SHLD2: variants seen among roughly 807,000 people sequenced by gnomAD.
The protein encoded by SHLD2 is RINN1-REV7-interacting novel NHEJ regulator 2.
Under a neutral mutation model 73.2 loss-of-function variants are expected in SHLD2, and 30 were observed. That is an observed-to-expected ratio of 0.41 (90% confidence interval 0.31 to 0.56). The LOEUF (loss-of-function observed/expected upper bound fraction) is 0.56. Among genes scored for constraint, SHLD2 ranks in the 20% least tolerant of loss-of-function variants. SHLD2 has a pLI of 0.28. For synonymous variants in SHLD2, 285 were observed against 370.1 expected (o/e 0.77, Z 2.64); for missense variants, 745 against 1,055.9 (o/e 0.71, Z 4.08).
chr10:87,144,809 G>C (rs889883270), intron 2 of SHLD2, among the ~76,000 whole-genome samples: 2 of 150,098 alleles, frequency 1.3e-5, no homozygotes, highest in African/African-American at 2.5e-5. Flanking sequence ...TGTATTTTTA[G>C]TAGAGACGGG....
chr10:87,131,083 A>G (rs1030795711), intron 2 of SHLD2, among the ~76,000 whole-genome samples: 9 of 151,534 alleles, frequency 5.9e-5, no homozygotes, highest in Non-Finnish European at 1.3e-4. Context: ...AAAAACAAAA[A>G]CCCCCCAAAA....
intron 2 of SHLD2, among the ~76,000 whole-genome samples, chr10:87,121,939 A>AT (rs1431145021): frequency 6.6e-6 from 1 of 151,120 alleles, no homozygotes; most frequent in Non-Finnish European, 1.5e-5. Flanking sequence ...TAATTTTTGT[A>AT]TTTTTTGTAG....
At chr10:87,150,912 C>T (rs538145043) in intron 2 of SHLD2, among the ~76,000 whole-genome samples, 19 of 151,956 alleles carry the variant, frequency 1.3e-4, no homozygotes, top group South Asian at 2.1e-4. Flanking sequence ...CTGCAACCTC[C>T]GCCTCCTGGG....
At chr10:87,096,179 G>A (rs897305409) in intron 1 of SHLD2, among the ~76,000 whole-genome samples, 2 of 152,030 alleles carry the variant, frequency 1.3e-5, no homozygotes, top group East Asian at 1.9e-4. Flanking sequence ...GGGGTAGCTG[G>A]GATTACAGGC....
chr10:87,184,345 C>G (rs1372090023), intron 8 of SHLD2, among the ~76,000 whole-genome samples: 1 of 151,930 alleles, frequency 6.6e-6, no homozygotes, highest in Non-Finnish European at 1.5e-5. Flanking sequence ...TTTCTCAGGA[C>G]AGTTTCTCAT....
intron 2 of SHLD2, among the ~76,000 whole-genome samples, chr10:87,107,175 G>A (rs1842654593): frequency 6.6e-6 from 1 of 151,682 alleles, no homozygotes; most frequent in African/African-American, 2.4e-5. Flanking sequence ...CACTTTGGGA[G>A]GCTGAGGCAG....
chr10:87,123,676 A>ATGAG lies in SHLD2; in HGVS notation c.-6+26687_-6+26688insTGAG, dbSNP rs1843785264. ...AATCTTATGTTGAATTGTAATTCCC[A>ATGAG]GTGTTTGAGGTGGGGTCTGTTGAGA... On this transcript the variant is annotated intron_variant, in intron 2 of 9. Transcript: ENST00000298786. Among the ~76,000 whole-genome samples the ATGAG allele has an allele frequency of 2.0e-5, 3 of 152,276 alleles. No homozygotes were observed. The South Asian group carries it at 6.2e-4, about 32-fold the overall frequency.
rs1442982604 is a variant in SHLD2 at position 87,151,824 on chromosome 10, A to C, written c.470A>C (p.Asp157Ala). The change falls in exon 3 of 10, where the codon GAT becomes GCT. Residue 157 changes from aspartate to alanine, a missense_variant. Transcript: ENST00000298786. ...GATGAACAGCCTAAACATCAGCCAG[A>C]TATATGTGGTAAGAACTTTAACACA... The part of the protein sequence containing the change: ...IRDEQPKHQP[D>A]ICGKNFNTNL... 2.5e-6 allele frequency: 4 copies of C among 1,611,964 alleles called. No homozygotes were observed. Among genetic ancestry groups the C allele is most frequent in the East Asian group, 2.2e-5 (1 of 44,874 alleles).
intron 2 of SHLD2, among the ~76,000 whole-genome samples, chr10:87,139,715 C>T (rs886094378): frequency 6.6e-6 from 1 of 152,034 alleles, no homozygotes; most frequent in Non-Finnish European, 1.5e-5. Flanking sequence ...GTAATTCCAG[C>T]TTGGGAGGCT....
intron 2 of SHLD2, among the ~76,000 whole-genome samples, chr10:87,127,555 C>A (rs1039256568): frequency 1.0e-4 from 14 of 136,960 alleles, no homozygotes; most frequent in Non-Finnish European, 1.6e-4. Flanking sequence ...TCTGCCACCC[C>A]CCGCCTCCCA....
chr10:87,094,991 G>T (rs1841702814), upstream of SHLD2: 1 of 167,520 alleles, frequency 6.0e-6, no homozygotes. The surrounding 1 kb of genome is among the most constrained non-coding windows in gnomAD (Gnocchi z 6.6). Context: ...CTCCGCCGCG[G>T]CCTCCCCGGG....
chr10:87,159,331 T>C (rs1179957575), intron 4 of SHLD2, among the ~76,000 whole-genome samples: 2 of 152,168 alleles, frequency 1.3e-5, no homozygotes, highest in Non-Finnish European at 2.9e-5. Flanking sequence ...CATAGACAAC[T>C]AAAATAGAGT....
chr10:87,106,491 A>T (rs750135133), intron 2 of SHLD2, among the ~76,000 whole-genome samples: 3 of 152,224 alleles, frequency 2.0e-5, no homozygotes, highest in Non-Finnish European at 4.4e-5. Context: ...TACAGTAAAC[A>T]GTCTTCAAAT....
At chr10:87,121,171 C>G (rs1240845922) in intron 2 of SHLD2, among the ~76,000 whole-genome samples, 5 of 152,096 alleles carry the variant, frequency 3.3e-5, no homozygotes, top group Admixed American at 2.0e-4. Context: ...GTGGCCCAGG[C>G]TGGGGTGCAG....
chr10:87,109,578 C>T (rs527302405), intron 2 of SHLD2, among the ~76,000 whole-genome samples: 41 of 152,316 alleles, frequency 2.7e-4, no homozygotes, highest in Admixed American at 7.8e-4. Flanking sequence ...GGATTACAGG[C>T]GTGAGCCACC....
intron 2 of SHLD2, among the ~76,000 whole-genome samples, chr10:87,126,710 G>C (rs1466488055): frequency 6.6e-6 from 1 of 152,038 alleles, no homozygotes; most frequent in Non-Finnish European, 1.5e-5. Flanking sequence ...AGGAATGATT[G>C]TTACATCCGT....
chr10:87,188,128 C>T (rs1290073677), intron 9 of SHLD2, among the ~76,000 whole-genome samples: 1 of 152,172 alleles, frequency 6.6e-6, no homozygotes, highest in Non-Finnish European at 1.5e-5. Context: ...TGGGCGGGAG[C>T]AGGGTTGTTC....
upstream of SHLD2, chr10:87,094,775 C>G (rs1017362319): frequency 6.5e-6 from 10 of 1,534,532 alleles, no homozygotes; most frequent in African/African-American, 1.4e-5. The surrounding 1 kb of genome is among the most constrained non-coding windows in gnomAD (Gnocchi z 6.6). Context: ...TACATGGCCA[C>G]AAGCGGAGGG....
In SHLD2 at chr10:87,142,675, C is replaced by T. The variant is rs373844545; in HGVS notation, c.-5-8675C>T. Among the ~76,000 whole-genome samples the T allele has an allele frequency of 2.0e-5, 3 of 151,798 alleles. No individual in the cohort carries two copies. The South Asian group carries it at 6.2e-4, about 32-fold the overall frequency. Reference sequence around the variant, plus strand: ...CAGTGATGATGCCAAGGTTTTTTGGCCTGGGGAATTGGGATAGTGGAGTTG... The same window carrying T: ...CAGTGATGATGCCAAGGTTTTTTGGTCTGGGGAATTGGGATAGTGGAGTTG... On this transcript the variant is annotated intron_variant, in intron 2 of 9. Transcript: ENST00000298786.
Sources: gnomAD v4.1 joint callset for allele counts (sites outside exome capture counted in the v4.1 genomes callset) on GRCh38, gnomAD v4.1.1 for gene constraint, Gnocchi (gnomAD v3.1) non-coding constraint, MANE v1.5 for transcripts, NCBI Gene and HGNC (gene_info 2026-07-23, HGNC 2026-07-21) for gene names.